The following DSG3 variants were observed in gnomAD, a reference collection of about 807,000 sequenced individuals.
DSG3 encodes the protein desmoglein-3.
In DSG3, 63 loss-of-function variants were observed where a neutral mutation model predicts 85.9. The ratio of observed to expected loss-of-function variants is 0.73; its 90% CI spans 0.60 to 0.90. The LOEUF (loss-of-function observed/expected upper bound fraction) is 0.90. DSG3 is among the 40% of genes least tolerant of loss of function. The probability of loss-of-function intolerance (pLI) is 0.00; values close to 1 mark genes in which losing one functional copy is unlikely to be tolerated. For missense variants in DSG3, 1,220 were observed against 1,219.9 expected (o/e 1.00, Z 0.00); for synonymous variants, 447 against 441.9 (o/e 1.01, Z -0.14).
intron 15 of DSG3, among the ~76,000 whole-genome samples, chr18:31,474,707 A>T (rs1392231686): frequency 6.6e-6 from 1 of 152,128 alleles, no homozygotes; most frequent in Non-Finnish European, 1.5e-5. Flanking sequence ...GTGAGCTATG[A>T]TGGCACCACT....
rs2072893905 is a variant in DSG3, at chr18:31,477,045, T to C, written c.*785T>C. Reference sequence around the variant, plus strand: ...CTTGGAAAAAGGGAAGTAGTTGCAGTAGAGTTTCTTCCATCTTCTTGGTGC... The same window carrying C: ...CTTGGAAAAAGGGAAGTAGTTGCAGCAGAGTTTCTTCCATCTTCTTGGTGC... On this transcript the variant is annotated 3_prime_UTR_variant, in exon 16 of 16. Coordinates refer to ENST00000257189, the MANE Select transcript of DSG3 (RefSeq NM_001944.3). 6.6e-6 allele frequency: 1 copy of C among 151,930 alleles called. No homozygotes were observed. The highest frequency in any genetic ancestry group is 6.6e-5 in the Admixed American group (1 of 15,258). 9.4% of individuals were successfully genotyped at this position (151,930 alleles called of 1,614,324 possible).
chr18:31,470,198 C>A (rs2072847343), intron 12 of DSG3, among the ~76,000 whole-genome samples: 1 of 151,992 alleles, frequency 6.6e-6, no homozygotes, highest in Non-Finnish European at 1.5e-5. Context: ...TAAATTCACA[C>A]TTTCTTAATT....
In DSG3 at chr18:31,458,439, C is replaced by CTGTA. The variant is rs2072762648; in HGVS notation, c.217-5_217-2dup. 1.2e-6 allele frequency: 2 copies of CTGTA among 1,612,970 alleles called. No homozygotes were observed. The highest frequency in any genetic ancestry group is 1.7e-6 in the Non-Finnish European group (2 of 1,179,374). ...ACCTCAACGTTTTTGGTATTTGGGG[C>CTGTA]TGTAGATTACTTCAGATTACCAAGC... On this transcript the variant is annotated splice_polypyrimidine_tract_variant and splice_region_variant and intron_variant, in intron 3 of 15. Transcript: ENST00000257189.
chr18:31,463,390 G>A (rs1038588380), intron 8 of DSG3, among the ~76,000 whole-genome samples: 1 of 152,164 alleles, frequency 6.6e-6, no homozygotes, highest in Non-Finnish European at 1.5e-5. Flanking sequence ...CATTTTTAGT[G>A]ATATACAGTT....
intron 1 of DSG3, among the ~76,000 whole-genome samples, chr18:31,455,757 T>C (rs1211661759): frequency 6.6e-6 from 1 of 152,196 alleles, no homozygotes. Flanking sequence ...TTCATTTTAC[T>C]GTCATTTAAT....
In DSG3 at chr18:31,472,438, C is replaced by A; in HGVS notation, c.2037+15C>A. 6.2e-7 allele frequency: 1 copy of A among 1,602,442 alleles called. No homozygotes were observed. Among genetic ancestry groups the A allele is most frequent in the South Asian group, 1.1e-5 (1 of 88,676 alleles). On this transcript the variant is annotated intron_variant, in intron 13 of 15. Coordinates refer to ENST00000257189, the MANE Select transcript of DSG3 (RefSeq NM_001944.3). ...CTGAAGACAAGGTAAGCATCCAGTT[C>A]ATAAATTATGTATTTCAATTACATA...
Position 31,447,926 on chromosome 18 carries a change from G to GT in DSG3, c.48+2dup, listed in dbSNP as rs780007476. On this transcript the variant is annotated splice_donor_variant, in intron 1 of 15. Transcript: ENST00000257189. LOFTEE classifies it high-confidence loss of function. The stretch of plus-strand genomic sequence containing the variant: ...TACAGGGGCTCTGGCCATCTTCGTG[G>GT]TAAGTCCTGGATTTTCCTAATAATC... 2 of 1,580,742 alleles carry GT rather than the reference G, an allele frequency of 1.3e-6. No individual in the cohort carries two copies. The highest frequency in any genetic ancestry group is 1.2e-5 in the South Asian group (1 of 86,762).
chr18:31,470,757 T>A (rs73414227), intron 12 of DSG3, among the ~76,000 whole-genome samples: 8 of 152,210 alleles, frequency 5.3e-5, no homozygotes, highest in Admixed American at 5.2e-4. Context: ...ATATAATCAG[T>A]ATAAAAAATG....
At chr18:31,474,868 T>A (rs954441798) in intron 15 of DSG3, among the ~76,000 whole-genome samples, 1 of 152,220 alleles carries the variant, frequency 6.6e-6, no homozygotes, top group Non-Finnish European at 1.5e-5. Context: ...GGCAAATCTC[T>A]TTTATGTGAG....
At chr18:31,464,083 C>A in intron 8 of DSG3, 28 bp from the exon 9 acceptor site, 1 of 1,596,090 alleles carries the variant, frequency 6.3e-7, no homozygotes, top group Non-Finnish European at 8.5e-7. Flanking sequence ...TTTTGTGAAA[C>A]TGCCTTCTAA....
At chr18:31,469,038 CT>C (rs761374528) in intron 11 of DSG3, 50 bp from the exon 12 acceptor site, 2 of 1,599,516 alleles carry the variant, frequency 1.3e-6, no homozygotes, top group Admixed American at 3.4e-5. Flanking sequence ...ACAAAATAGA[CT>C]GAAAAGACAC....
chr18:31,476,340 T>A lies in DSG3; in HGVS notation c.*80T>A. ...TTCAAAATAGCATAGCAAAGCTCAC[T>A]GTATTGGGCTAATAATTTGGCACTT... is the stretch of plus-strand genomic sequence containing the variant. On this transcript the variant is annotated 3_prime_UTR_variant, in exon 16 of 16. Transcript: ENST00000257189. 6.7e-7 allele frequency: 1 copy of A among 1,487,088 alleles called. No homozygotes were observed. Among genetic ancestry groups the A allele is most frequent in the Non-Finnish European group, 9.0e-7 (1 of 1,110,012 alleles). 92.1% of individuals were successfully genotyped at this position (1,487,088 alleles called of 1,614,324 possible).
chr18:31,475,988 T>G lies in DSG3; in HGVS notation c.2728T>G (p.Leu910Val), dbSNP rs770517333. Reference sequence around the variant, plus strand: ...GTCAGGAAGTCAAGGAGCTTCTGCTTTGTCCACCTCTGGGTCTGTCCAGCC... The same window carrying G: ...GTCAGGAAGTCAAGGAGCTTCTGCTGTGTCCACCTCTGGGTCTGTCCAGCC... Reference protein sequence around the residue: ...TLSGSQGASALSTSGSVQPAV... With the variant: ...TLSGSQGASAVSTSGSVQPAV... The change falls in exon 16 of 16, where the codon TTG (leucine) becomes GTG (valine). Residue 910 changes from leucine (L) to valine (V), a missense_variant. By Grantham distance (32) the Leu-to-Val change is conservative. Coordinates refer to ENST00000257189, the MANE Select transcript of DSG3 (RefSeq NM_001944.3). The G allele has an allele frequency of 6.2e-7, 1 of 1,614,216 alleles. No homozygotes were observed. The highest frequency in any genetic ancestry group is 1.7e-5 in the Admixed American group (1 of 60,020).
chr18:31,466,085 A>C (rs1018500354), intron 10 of DSG3, among the ~76,000 whole-genome samples: 1 of 152,202 alleles, frequency 6.6e-6, no homozygotes, highest in African/African-American at 2.4e-5. Flanking sequence ...TATTTTCAGC[A>C]TTTAAAATTT....
At chr18:31,457,407 A>C (rs1237229026) in intron 3 of DSG3, among the ~76,000 whole-genome samples, 2 of 152,216 alleles carry the variant, frequency 1.3e-5, no homozygotes, top group East Asian at 3.8e-4. Context: ...GCAAACAAAT[A>C]GGAAAAATAA....
At position 31,476,363 on chromosome 18, in the gene DSG3, C is replaced by G. The variant is rs1031155257; in HGVS notation, c.*103C>G. The G allele has an allele frequency of 8.1e-6, 11 of 1,356,882 alleles. No individual in the cohort carries two copies. Among genetic ancestry groups the G allele is most frequent in the Non-Finnish European group, 9.0e-6 (9 of 998,256 alleles). 84.1% of individuals were successfully genotyped at this position (1,356,882 alleles called of 1,614,324 possible). On this transcript the variant is annotated 3_prime_UTR_variant, in exon 16 of 16. Coordinates refer to ENST00000257189, the MANE Select transcript of DSG3 (RefSeq NM_001944.3). ...ACTGTATTGGGCTAATAATTTGGCA[C>G]TTATTAGCTTCTCTCATAAACTGAT...
chr18:31,447,864 G>C lies in DSG3; in HGVS notation c.-14G>C. Reference sequence around the variant, plus strand: ...CGGCTCACTTGGACTTTTTCACCAGGGAAATCAGAGACAATGATGGGGCTC... The same window carrying C: ...CGGCTCACTTGGACTTTTTCACCAGCGAAATCAGAGACAATGATGGGGCTC... On this transcript the variant is annotated 5_prime_UTR_variant, in exon 1 of 16. Coordinates refer to ENST00000257189, the MANE Select transcript of DSG3 (RefSeq NM_001944.3). The C allele has an allele frequency of 6.3e-7, 1 of 1,588,970 alleles. No homozygotes were observed.
At chr18:31,462,482 G>T (rs2072792841) in intron 8 of DSG3, among the ~76,000 whole-genome samples, 1 of 152,166 alleles carries the variant, frequency 6.6e-6, no homozygotes, top group African/African-American at 2.4e-5. Context: ...AGCTGTACAT[G>T]CAGTCCTTTG....
chr18:31,448,014 T>C (rs887920374), intron 1 of DSG3, 89 bp downstream of exon 1: 4 of 1,038,220 alleles, frequency 3.9e-6, no homozygotes, highest in African/African-American at 3.4e-5. Flanking sequence ...ATCTTTATTA[T>C]AAATTCTAAA....
Sources: allele counts gnomAD v4.1 joint callset (sites outside exome capture counted in the v4.1 genomes callset), GRCh38; gene constraint gnomAD v4.1.1; transcripts MANE v1.5; gene names NCBI Gene and HGNC (gene_info 2026-07-23, HGNC 2026-07-21).